DMD: variants seen among roughly 807,000 people sequenced by gnomAD.
The protein encoded by DMD is mutant dystrophin.
Under a neutral mutation model 330.1 loss-of-function variants are expected in DMD, and 63 were observed. The ratio of observed to expected loss-of-function variants is 0.19; its 90% CI spans 0.16 to 0.24. The LOEUF (loss-of-function observed/expected upper bound fraction) is 0.24. Ranked by LOEUF, DMD falls within the 10% of genes least tolerant of loss-of-function variation. The probability of loss-of-function intolerance (pLI) is 1.00; values close to 1 mark genes in which losing one functional copy is unlikely to be tolerated. For synonymous variants in DMD, 1,223 were observed against 959.8 expected (o/e 1.27, Z -5.07); for missense variants, 3,344 against 2,684.1 (o/e 1.25, Z -5.43).
chrX:32,624,486 G>A (rs2058214547), intron 11 of DMD, among the ~76,000 whole-genome samples: 1 of 111,761 alleles, frequency 8.9e-6, no homozygotes, highest in South Asian at 3.8e-4. Flanking sequence ...TAGCGTCAAC[G>A]ACATTTTTGA....
At chrX:31,504,082 T>C (rs925899476) in intron 56 of DMD, among the ~76,000 whole-genome samples, 5 of 111,247 alleles carry the variant, frequency 4.5e-5, no homozygotes, top group African/African-American at 1.3e-4. Flanking sequence ...AACAAATAAA[T>C]GAATGAGGGA....
At chrX:31,124,242 T>G (rs1291394240) in intron 78 of DMD, among the ~76,000 whole-genome samples, 1 of 112,364 alleles carries the variant, frequency 8.9e-6, no homozygotes, top group Non-Finnish European at 1.9e-5. Flanking sequence ...ATCTATATTA[T>G]GCCTTTGGTT....
intron 47 of DMD, among the ~76,000 whole-genome samples, chrX:31,925,018 T>G (rs1055672174): frequency 9.2e-6 from 1 of 109,188 alleles, no homozygotes; most frequent in Non-Finnish European, 1.9e-5. Context: ...TTAAAAATAG[T>G]AGGATTTTAA....
At chrX:32,679,641 T>A (rs373685944) in intron 9 of DMD, among the ~76,000 whole-genome samples, 4 of 110,347 alleles carry the variant, frequency 3.6e-5, no homozygotes, top group African/African-American at 1.3e-4. Flanking sequence ...ATGGGGGTGA[T>A]GAAAAAGAAA....
At chrX:32,096,015 C>T (rs1305694203) in intron 44 of DMD, among the ~76,000 whole-genome samples, 3 of 111,480 alleles carry the variant, frequency 2.7e-5, no homozygotes, top group Admixed American at 9.5e-5. Flanking sequence ...ATTAACTCGT[C>T]ATTTACCATT....
chrX:31,669,100 T>C (rs1276684302), intron 53 of DMD, among the ~76,000 whole-genome samples: 1 of 111,977 alleles, frequency 8.9e-6, no homozygotes, highest in Admixed American at 9.5e-5. Flanking sequence ...GACATACTGG[T>C]TTAAATTCTT....
chrX:32,473,163 G>T (rs1569564317), intron 21 of DMD, among the ~76,000 whole-genome samples: 1 of 111,188 alleles, frequency 9.0e-6, no homozygotes, highest in Non-Finnish European at 1.9e-5. Context: ...CCATAAAAAG[G>T]ACATAACATA....
intron 7 of DMD, among the ~76,000 whole-genome samples, chrX:32,740,407 T>C (rs987502801): frequency 9.0e-6 from 1 of 110,532 alleles, no homozygotes; most frequent in Non-Finnish European, 1.9e-5. Flanking sequence ...TTATGGTATC[T>C]ATGGAAGAGG....
At chrX:32,039,174 C>A (rs959806104) in intron 44 of DMD, among the ~76,000 whole-genome samples, 4 of 110,586 alleles carry the variant, frequency 3.6e-5, no homozygotes, top group Non-Finnish European at 5.7e-5. Context: ...GTAGAAACAA[C>A]ACATACAGTG....
chrX:32,420,328 T>C (rs2098184523), intron 29 of DMD, among the ~76,000 whole-genome samples: 1 of 112,079 alleles, frequency 8.9e-6, no homozygotes, highest in African/African-American at 3.2e-5. Context: ...GACCACATGT[T>C]CAAGCAAAAT....
chrX:31,267,639 T>C (rs780394044), intron 62 of DMD, among the ~76,000 whole-genome samples: 1 of 112,859 alleles, frequency 8.9e-6, no homozygotes, highest in Non-Finnish European at 1.9e-5. Flanking sequence ...ACCAGTGCTG[T>C]TGCACGGTTT....
chrX:31,628,668 C>T (rs2078976299), intron 54 of DMD, among the ~76,000 whole-genome samples: 2 of 110,253 alleles, frequency 1.8e-5, no homozygotes, highest in South Asian at 7.6e-4. Context: ...TTACCACTTA[C>T]GTGATATGGC....
intron 1 of DMD, among the ~76,000 whole-genome samples, chrX:33,220,534 C>T (rs2052155608): frequency 8.9e-6 from 1 of 111,790 alleles, no homozygotes; most frequent in African/African-American, 3.3e-5. Flanking sequence ...TGCAGCTTTA[C>T]TCCCTTTTTG....
intron 54 of DMD, among the ~76,000 whole-genome samples, chrX:31,641,596 G>A (rs2079767645): frequency 9.1e-6 from 1 of 110,369 alleles, no homozygotes; most frequent in African/African-American, 3.3e-5. Flanking sequence ...AGAGAAAAGT[G>A]AGTAAGTGCA....
rs749006773 is a variant in DMD at position 32,701,644 on chromosome X, T to A, written c.650-2351A>T. Among the ~76,000 whole-genome samples the A allele has an allele frequency of 5.4e-5, 6 of 111,650 alleles. No individual in the cohort carries two copies. In the East Asian group the frequency reaches 1.7e-3, roughly 31 times the overall value. Reference sequence around the variant, plus strand: ...CTGTGATTAGCATAACTTAGAGCTCTTTCATTTTTAGTATATTAAATAAAA... The same window carrying A: ...CTGTGATTAGCATAACTTAGAGCTCATTCATTTTTAGTATATTAAATAAAA... On this transcript the variant is annotated intron_variant, in intron 7 of 78. Transcript: ENST00000357033.
chrX:31,249,172 CCCT>C (rs2049106230), intron 63 of DMD, among the ~76,000 whole-genome samples: 1 of 112,009 alleles, frequency 8.9e-6, no homozygotes, highest in Non-Finnish European at 1.9e-5. Flanking sequence ...ACAGTTTTAG[CCCT>C]CCTCATCTCT....
At chrX:31,188,999 GT>G (rs2042065447) in intron 67 of DMD, among the ~76,000 whole-genome samples, 3 of 110,444 alleles carry the variant, frequency 2.7e-5, no homozygotes, top group Admixed American at 9.7e-5. Context: ...AGTTGCTGGG[GT>G]TCCGAAGAAC....
intron 9 of DMD, among the ~76,000 whole-genome samples, chrX:32,665,476 G>T: frequency 8.9e-6 from 1 of 111,958 alleles, no homozygotes; most frequent in African/African-American, 3.3e-5. Context: ...TGCCAATTAA[G>T]GCACACTTAA....
chrX:32,279,690 A>T (rs2097405983), intron 43 of DMD, among the ~76,000 whole-genome samples: 1 of 104,586 alleles, frequency 9.6e-6, no homozygotes, highest in Admixed American at 1.0e-4. Context: ...GTTGAGGGGG[A>T]GGTTGAAATG....
Sources: gnomAD v4.1 joint callset for allele counts (sites outside exome capture counted in the v4.1 genomes callset) on GRCh38, gnomAD v4.1.1 for gene constraint, MANE v1.5 for transcripts, NCBI Gene and HGNC (gene_info 2026-07-23, HGNC 2026-07-21) for gene names.